PDLIM5: variants seen among roughly 807,000 people sequenced by gnomAD.
The protein encoded by PDLIM5 is PDZ and LIM domain 5.
PDLIM5 carries 34 observed loss-of-function variants against 64.2 expected under a neutral mutation model. The ratio of observed to expected loss-of-function variants is 0.53; its 90% confidence interval spans 0.40 to 0.71. The LOEUF (loss-of-function observed/expected upper bound fraction) is 0.71. Ranked by LOEUF, PDLIM5 falls within the 30% of genes least tolerant of loss-of-function variation. PDLIM5 has a pLI of 0.00. For missense variants in PDLIM5, 683 were observed against 733.6 expected, an observed-to-expected ratio of 0.93 and a Z score of 0.80; for synonymous variants, 253 against 269.1, an observed-to-expected ratio of 0.94 and a Z score of 0.59.
At chr4:94,583,835 A>G (rs1735943611) in intron 5 of PDLIM5, among the ~76,000 whole-genome samples, 1 of 152,198 alleles carries the variant, frequency 6.6e-6, no homozygotes, top group Non-Finnish European at 1.5e-5. Context: ...TATGATGATC[A>G]TTACCTCATG....
At chr4:94,648,985 T>G (rs1741633455) in intron 9 of PDLIM5, among the ~76,000 whole-genome samples, 1 of 150,828 alleles carries the variant, frequency 6.6e-6, no homozygotes, top group East Asian at 2.0e-4. Flanking sequence ...TTGGTTTTGG[T>G]TTTTTTTTGA....
intron 9 of PDLIM5, among the ~76,000 whole-genome samples, chr4:94,645,654 C>T (rs1741356925): frequency 1.3e-5 from 2 of 152,096 alleles, no homozygotes; most frequent in Admixed American, 6.6e-5. Context: ...AGCCAGTGTG[C>T]TTTAGAAAAA....
intron 2 of PDLIM5, among the ~76,000 whole-genome samples, chr4:94,475,273 C>T (rs1224673668): frequency 6.6e-6 from 1 of 152,114 alleles, no homozygotes; most frequent in Non-Finnish European, 1.5e-5. Context: ...TGGTAATGCT[C>T]TGAATGCCAT....
At chr4:94,584,906 CTT>C in intron 5 of PDLIM5, 1 of 911,584 alleles carries the variant, frequency 1.1e-6, no homozygotes, top group Non-Finnish European at 1.7e-6. Context: ...TAGTTGTTTT[CTT>C]TTTTTCTTAT....
chr4:94,612,039 A>C, intron 7 of PDLIM5, among the ~76,000 whole-genome samples: 1 of 152,174 alleles, frequency 6.6e-6, no homozygotes, highest in East Asian at 1.9e-4. Flanking sequence ...AACATGGTGA[A>C]ACCCCATCTC....
chr4:94,481,504 G>A (rs989951151), intron 2 of PDLIM5, among the ~76,000 whole-genome samples: 9 of 151,960 alleles, frequency 5.9e-5, no homozygotes, highest in East Asian at 1.9e-4. Context: ...GGCTGATCTC[G>A]ATCTCCTGAC....
intron 3 of PDLIM5, among the ~76,000 whole-genome samples, chr4:94,524,648 A>AT (rs1233323233): frequency 6.6e-6 from 1 of 152,088 alleles, no homozygotes; most frequent in Non-Finnish European, 1.5e-5. Context: ...AAGTTATAAA[A>AT]TAATTAATCA....
At chr4:94,549,344 AT>A (rs1418168783) in intron 3 of PDLIM5, among the ~76,000 whole-genome samples, 1 of 152,268 alleles carries the variant, frequency 6.6e-6, no homozygotes. Context: ...ATTTGTATGT[AT>A]TCCTAGAAAA....
At chr4:94,582,560 T>TAACTGA (rs1735818364) in intron 5 of PDLIM5, 2 of 556,928 alleles carry the variant, frequency 3.6e-6, no homozygotes, top group Non-Finnish European at 6.4e-6. Flanking sequence ...GATGTTTGTG[T>TAACTGA]AACATCTTCA....
At chr4:94,523,389 A>G (rs922199162) in intron 2 of PDLIM5, among the ~76,000 whole-genome samples, 5 of 152,224 alleles carry the variant, frequency 3.3e-5, no homozygotes, top group Non-Finnish European at 7.3e-5. Context: ...TTATTCTGCT[A>G]AAATGTGAAG....
At chr4:94,574,824 C>T (rs930535188) in intron 4 of PDLIM5, among the ~76,000 whole-genome samples, 1 of 151,348 alleles carries the variant, frequency 6.6e-6, no homozygotes, top group South Asian at 2.1e-4. Flanking sequence ...TGGCTGCTGA[C>T]GATGGGGAAA....
chr4:94,486,747 A>G (rs745890049), intron 2 of PDLIM5, among the ~76,000 whole-genome samples: 1 of 152,184 alleles, frequency 6.6e-6, no homozygotes, highest in Non-Finnish European at 1.5e-5. Context: ...CATGCCTGCA[A>G]TCCCAGCACT....
Position 94,618,103 on chromosome 4 carries a change from T to A in PDLIM5, c.1020T>A (p.Val340=). 1 of 1,612,352 alleles carries A rather than the reference T, an allele frequency of 6.2e-7. No individual in the cohort carries two copies. Among genetic ancestry groups the A allele is most frequent in the Non-Finnish European group, 8.5e-7 (1 of 1,179,180 alleles). The part of the protein sequence containing the change: ...LDSPTSGRPG[V]TSLTAAAAFK... ...GCCCAACCTCTGGCAGACCAGGGGTTACCAGCCTCACAGCTGCAGCTGCCT... is the reference window on the plus strand; with the variant it reads ...GCCCAACCTCTGGCAGACCAGGGGTAACCAGCCTCACAGCTGCAGCTGCCT... The change falls in exon 8 of 13, where the codon GTT becomes GTA. Residue 340 remains valine (V), a synonymous_variant. Coordinates refer to ENST00000317968, the MANE Select transcript of PDLIM5 (RefSeq NM_006457.5).
chr4:94,535,802 T>C (rs1731269132), intron 3 of PDLIM5, among the ~76,000 whole-genome samples: 1 of 151,194 alleles, frequency 6.6e-6, no homozygotes, highest in African/African-American at 2.4e-5. Flanking sequence ...CTCACAGTGC[T>C]GGGCACTGGC....
Position 94,500,394 on chromosome 4 carries a change from G to A in PDLIM5, c.97-23330G>A, listed in dbSNP as rs145964179. On this transcript the variant is annotated intron_variant, in intron 2 of 12. Coordinates refer to ENST00000317968, the MANE Select transcript of PDLIM5 (RefSeq NM_006457.5). ...CAGCCAAAGGGATATTCATATAACA[G>A]TTAACATTTTACCAAGTCTTAAACT... 5.9e-4 allele frequency among the ~76,000 whole-genome samples: 90 copies of A among 152,244 alleles called. 1 individual carries two copies. In the East Asian group the frequency reaches 0.017, roughly 29 times the overall value.
intron 8 of PDLIM5, among the ~76,000 whole-genome samples, chr4:94,626,716 T>G: frequency 6.6e-6 from 1 of 152,152 alleles, no homozygotes; most frequent in East Asian, 1.9e-4. Flanking sequence ...TGTGCTACAT[T>G]TAGCAATAAA....
chr4:94,566,096 T>C, intron 3 of PDLIM5, among the ~76,000 whole-genome samples: 1 of 152,274 alleles, frequency 6.6e-6, no homozygotes, highest in South Asian at 2.1e-4. Context: ...TTTTATAACT[T>C]TCTCTTTGAT....
At chr4:94,556,957 G>A (rs1733390124) in intron 3 of PDLIM5, among the ~76,000 whole-genome samples, 1 of 152,148 alleles carries the variant, frequency 6.6e-6, no homozygotes, top group African/African-American at 2.4e-5. Flanking sequence ...TGCTTTTGGT[G>A]TTTTCGTCAG....
intron 7 of PDLIM5, chr4:94,608,015 T>C (rs987521421): frequency 1.4e-6 from 2 of 1,392,150 alleles, no homozygotes; most frequent in East Asian, 2.5e-5. Flanking sequence ...GTACTTTTCA[T>C]TAATATTTCC....
Sources: allele counts gnomAD v4.1 joint callset (sites outside exome capture counted in the v4.1 genomes callset), GRCh38; gene constraint gnomAD v4.1.1; transcripts MANE v1.5; gene names NCBI Gene and HGNC (gene_info 2026-07-23, HGNC 2026-07-21).